CHL1: variants seen among roughly 807,000 people sequenced by gnomAD.
CHL1 encodes neural cell adhesion molecule L1-like protein.
In CHL1, 96 loss-of-function variants were observed where a neutral mutation model predicts 141.9. The ratio of observed to expected loss-of-function variants is 0.68; its 90% CI spans 0.57 to 0.80. CHL1 has a LOEUF of 0.80. Among genes scored for constraint, CHL1 ranks in the 30% least tolerant of loss-of-function variants. The pLI is 0.00. For synonymous variants in CHL1, 613 were observed against 502.2 expected (o/e 1.22, Z -2.95); for missense variants, 1,820 against 1,457.2 (o/e 1.25, Z -4.05).
At chr3:225,372 C>T (rs895969471) in intron 1 of CHL1, among the ~76,000 whole-genome samples, 2 of 152,116 alleles carry the variant, frequency 1.3e-5, no homozygotes, top group East Asian at 3.9e-4. Context: ...ACAAACTGTC[C>T]TTTATTTGAT....
intron 5 of CHL1, among the ~76,000 whole-genome samples, chr3:329,727 A>G (rs1701292955): frequency 6.6e-6 from 1 of 152,080 alleles, no homozygotes; most frequent in African/African-American, 2.4e-5. Context: ...CTAAACCTTA[A>G]GGATACAGAA....
At chr3:225,853 C>A (rs538061925) in intron 1 of CHL1, among the ~76,000 whole-genome samples, 9 of 151,790 alleles carry the variant, frequency 5.9e-5, no homozygotes, top group Admixed American at 3.3e-4. Flanking sequence ...ACTAAAAATT[C>A]AAAAAATTAG....
intron 2 of CHL1, among the ~76,000 whole-genome samples, chr3:306,811 A>G (rs1443994177): frequency 6.6e-6 from 1 of 152,210 alleles, no homozygotes; most frequent in Non-Finnish European, 1.5e-5. Context: ...CATCTCTGAA[A>G]GAATCTATTA....
chr3:358,535 T>C (rs889871385), intron 11 of CHL1, among the ~76,000 whole-genome samples: 4 of 152,194 alleles, frequency 2.6e-5, no homozygotes, highest in Admixed American at 1.3e-4. Flanking sequence ...GGCTATTGTT[T>C]TGCCTACTTA....
chr3:268,257 G>A (rs1695325599), intron 2 of CHL1, among the ~76,000 whole-genome samples: 1 of 152,142 alleles, frequency 6.6e-6, no homozygotes, highest in Non-Finnish European at 1.5e-5. Context: ...GACTAGGCCA[G>A]GCACAGTGGC....
At chr3:326,565 C>G (rs765251934) in intron 4 of CHL1, among the ~76,000 whole-genome samples, 3 of 151,450 alleles carry the variant, frequency 2.0e-5, no homozygotes, top group African/African-American at 4.9e-5. Flanking sequence ...GCATGATATA[C>G]TACTATCTAG....
chr3:332,259 A>G (rs1295322045), intron 5 of CHL1, among the ~76,000 whole-genome samples: 1 of 152,254 alleles, frequency 6.6e-6, no homozygotes, highest in East Asian at 1.9e-4. Context: ...TATGTTGAGC[A>G]ATAAAAGTAA....
intron 2 of CHL1, among the ~76,000 whole-genome samples, chr3:286,403 G>C (rs1697148518): frequency 1.3e-5 from 2 of 152,072 alleles, no homozygotes; most frequent in South Asian, 2.1e-4. Context: ...CTGAGGTCAG[G>C]AGATCAAGAC....
Position 266,123 on chromosome 3 carries a change from G to C in CHL1, c.-95+21431G>C, listed in dbSNP as rs1274789622. On this transcript the variant is annotated intron_variant, in intron 2 of 27. Transcript: ENST00000256509. Reference sequence around the variant, plus strand: ...ATCCTCAGTTAAGCATGTATACCAGGAGAAGGATCCATCTTTCTTGCACTT... The same window carrying C: ...ATCCTCAGTTAAGCATGTATACCAGCAGAAGGATCCATCTTTCTTGCACTT... 3.3e-5 allele frequency among the ~76,000 whole-genome samples: 5 copies of C among 152,278 alleles called. No individual in the cohort carries two copies. In the South Asian group the frequency reaches 6.2e-4, roughly 19 times the overall value.
At chr3:277,552 A>G (rs957134657) in intron 2 of CHL1, among the ~76,000 whole-genome samples, 1 of 152,114 alleles carries the variant, frequency 6.6e-6, no homozygotes, top group Non-Finnish European at 1.5e-5. Flanking sequence ...AGAATGACCA[A>G]TTGCTTCCGT....
chr3:311,791 T>G (rs996639337), intron 2 of CHL1, among the ~76,000 whole-genome samples: 1 of 152,196 alleles, frequency 6.6e-6, no homozygotes, highest in African/African-American at 2.4e-5. Flanking sequence ...TTTGTGCATT[T>G]TAGTACATCT....
intron 1 of CHL1, among the ~76,000 whole-genome samples, chr3:226,335 A>C (rs1701340758): frequency 6.8e-6 from 1 of 147,484 alleles, no homozygotes. Flanking sequence ...GCCAGGCTGA[A>C]AATTCTGTAT....
rs145357140 is a variant in CHL1 at position 234,685 on chromosome 3, G to A, written c.-174-9928G>A. Among the ~76,000 whole-genome samples, 314 of 152,200 alleles carry A rather than the reference G, an allele frequency of 2.1e-3. 1 individual carries two copies. Among genetic ancestry groups the A allele is most frequent in the African/African-American group, 7.0e-3 (289 of 41,538 alleles). ...AGCAAATACTCAGTCCAAAGCAGCA[G>A]GTGCAATGGCTCAAGCAGGAAACAG... On this transcript the variant is annotated intron_variant, in intron 1 of 27. Transcript: ENST00000256509.
chr3:318,696 A>G (rs1158655594), intron 2 of CHL1, among the ~76,000 whole-genome samples: 2 of 151,386 alleles, frequency 1.3e-5, no homozygotes, highest in Non-Finnish European at 3.0e-5. Context: ...ATTTCAGTTA[A>G]AATGGTGGCC....
chr3:337,739 C>A (rs1363292485), intron 5 of CHL1, among the ~76,000 whole-genome samples: 1 of 152,128 alleles, frequency 6.6e-6, no homozygotes, highest in Non-Finnish European at 1.5e-5. Flanking sequence ...TGTATATGTG[C>A]CACATTTTCT....
At chr3:284,559 G>A (rs1696959775) in intron 2 of CHL1, among the ~76,000 whole-genome samples, 1 of 152,276 alleles carries the variant, frequency 6.6e-6, no homozygotes, top group African/African-American at 2.4e-5. Flanking sequence ...GTGAAAACTG[G>A]TAAGACATTG....
At chr3:337,904 G>C (rs906339064) in intron 5 of CHL1, among the ~76,000 whole-genome samples, 1 of 152,086 alleles carries the variant, frequency 6.6e-6, no homozygotes, top group African/African-American at 2.4e-5. Context: ...GGGATGGCTG[G>C]GTCAAATGGT....
intron 2 of CHL1, among the ~76,000 whole-genome samples, chr3:316,942 A>C (rs924441231): frequency 2.6e-5 from 4 of 152,066 alleles, no homozygotes; most frequent in African/African-American, 9.7e-5. Context: ...CTGTTGCAAA[A>C]TGGAATTCCT....
intron 2 of CHL1, among the ~76,000 whole-genome samples, chr3:276,688 G>A (rs1199183349): frequency 1.3e-5 from 2 of 151,888 alleles, no homozygotes; most frequent in African/African-American, 2.4e-5. Context: ...AGGAGATTGA[G>A]ACCGTCCTGG....
Sources: gnomAD v4.1 joint callset for allele counts (sites outside exome capture counted in the v4.1 genomes callset) on GRCh38, gnomAD v4.1.1 for gene constraint, MANE v1.5 for transcripts, NCBI Gene and HGNC (gene_info 2026-07-23, HGNC 2026-07-21) for gene names.